The following PLXDC2 variants were observed in gnomAD, a reference collection of about 807,000 sequenced individuals.
PLXDC2 encodes plexin domain-containing protein 2.
A neutral mutation model predicts 68.9 loss-of-function variants in PLXDC2; 40 were observed. That is an observed-to-expected ratio of 0.58 (90% confidence interval 0.45 to 0.76). The LOEUF (loss-of-function observed/expected upper bound fraction) is 0.76, where lower values mean the gene tolerates loss of function less well. Ranked by LOEUF, PLXDC2 falls within the 30% of genes least tolerant of loss-of-function variation. PLXDC2 has a pLI of 0.00. For missense variants in PLXDC2, 644 were observed against 661.9 expected, an observed-to-expected ratio of 0.97 and a Z score of 0.30; for synonymous variants, 243 against 234.2, an observed-to-expected ratio of 1.04 and a Z score of -0.34.
intron 7 of PLXDC2, among the ~76,000 whole-genome samples, chr10:20,175,479 C>T (rs1834513875): frequency 6.6e-6 from 1 of 152,176 alleles, no homozygotes; most frequent in African/African-American, 2.4e-5. Context: ...CCCAGGGGCT[C>T]AAGATCAGCC....
chr10:20,201,953 T>C (rs1024928455), intron 9 of PLXDC2, among the ~76,000 whole-genome samples: 5 of 152,176 alleles, frequency 3.3e-5, no homozygotes, highest in Admixed American at 1.3e-4. Flanking sequence ...ATACACCTAC[T>C]TTAGTTTGTG....
intron 1 of PLXDC2, among the ~76,000 whole-genome samples, chr10:19,833,923 G>C (rs557764864): frequency 6.7e-6 from 1 of 150,040 alleles, no homozygotes; most frequent in East Asian, 2.0e-4. Flanking sequence ...AGAGTTCAGA[G>C]TTTCCTGGGC....
In PLXDC2 at chr10:19,985,767, C is replaced by T. The variant is rs563670179; in HGVS notation, c.113-16008C>T. Among the ~76,000 whole-genome samples, 10 of 152,310 alleles carry T rather than the reference C, an allele frequency of 6.6e-5. No individual in the cohort carries two copies. In the East Asian group the frequency reaches 1.2e-3, roughly 18 times the overall value. On this transcript the variant is annotated intron_variant, in intron 1 of 13. Transcript: ENST00000377252. ...CAATCTATTTTGAAGTCAATAATAG[C>T]GGAGGTGATCATGTTAAGTCATGTG...
At chr10:20,225,561 A>G (rs1460491154) in intron 12 of PLXDC2, among the ~76,000 whole-genome samples, 2 of 152,278 alleles carry the variant, frequency 1.3e-5, no homozygotes, top group African/African-American at 4.8e-5. Flanking sequence ...TATTCTAAGT[A>G]TATATGTATC....
At chr10:19,822,078 G>T (rs1431128444) in intron 1 of PLXDC2, among the ~76,000 whole-genome samples, 1 of 151,666 alleles carries the variant, frequency 6.6e-6, no homozygotes, top group Non-Finnish European at 1.5e-5. Flanking sequence ...ATTCATCCAT[G>T]CTATCACAAA....
At chr10:19,877,770 G>T (rs1004821869) in intron 1 of PLXDC2, among the ~76,000 whole-genome samples, 13 of 152,282 alleles carry the variant, frequency 8.5e-5, no homozygotes, top group African/African-American at 3.1e-4. Context: ...CACTATTCGG[G>T]GCCTTTTTAT....
chr10:19,930,147 A>T (rs11011685), intron 1 of PLXDC2, among the ~76,000 whole-genome samples: 72,669 of 151,920 alleles, frequency 0.48, 18,752 homozygotes, highest in South Asian at 0.73. Flanking sequence ...TCATTTACAC[A>T]GCAGGCATTA....
At chr10:20,042,319 T>C (rs1835696622) in intron 2 of PLXDC2, among the ~76,000 whole-genome samples, 1 of 152,200 alleles carries the variant, frequency 6.6e-6, no homozygotes, top group African/African-American at 2.4e-5. Context: ...GAGTATAATT[T>C]TCACAAGTAG....
intron 1 of PLXDC2, among the ~76,000 whole-genome samples, chr10:19,863,534 A>G (rs981604494): frequency 2.0e-5 from 3 of 152,204 alleles, no homozygotes; most frequent in Non-Finnish European, 2.9e-5. Context: ...CAGAAAGGCA[A>G]GTGTGACACG....
chr10:19,990,524 T>G (rs1164259060), intron 1 of PLXDC2, among the ~76,000 whole-genome samples: 5 of 152,148 alleles, frequency 3.3e-5, no homozygotes, highest in African/African-American at 1.2e-4. Flanking sequence ...GTGTTAGAGC[T>G]CAACTAATCT....
chr10:19,855,550 A>G (rs1181746001), intron 1 of PLXDC2, among the ~76,000 whole-genome samples: 1 of 152,014 alleles, frequency 6.6e-6, no homozygotes, highest in East Asian at 1.9e-4. Flanking sequence ...CTGGTTTCAT[A>G]TTTTTCAGAT....
intron 4 of PLXDC2, among the ~76,000 whole-genome samples, chr10:20,091,030 A>C (rs1833269230): frequency 2.0e-5 from 3 of 152,144 alleles, no homozygotes; most frequent in Admixed American, 1.3e-4. Context: ...GGATGAATGT[A>C]GCTTTGTGAA....
At chr10:19,937,679 C>T (rs1833749331) in intron 1 of PLXDC2, among the ~76,000 whole-genome samples, 5 of 151,370 alleles carry the variant, frequency 3.3e-5, no homozygotes, top group African/African-American at 1.2e-4. Flanking sequence ...GAATGTAACT[C>T]AGAAAAACAA....
At position 20,274,471 on chromosome 10, in the gene PLXDC2, G is replaced by C. The variant is rs557401835; in HGVS notation, c.1474-5232G>C. On this transcript the variant is annotated intron_variant, in intron 13 of 13. Coordinates refer to ENST00000377252, the MANE Select transcript of PLXDC2 (RefSeq NM_032812.9). ...ATCCTTGAAGATCATCCATAAGACA[G>C]TTCTAGAATGAAGGCAACATATCAA... Among the ~76,000 whole-genome samples the C allele has an allele frequency of 2.0e-5, 3 of 152,258 alleles. No homozygotes were observed. In the South Asian group the frequency reaches 6.2e-4, roughly 32 times the overall value.
chr10:20,183,695 T>C (rs553918644), intron 9 of PLXDC2, among the ~76,000 whole-genome samples: 21 of 152,096 alleles, frequency 1.4e-4, no homozygotes, highest in Middle Eastern at 3.4e-3. Flanking sequence ...AATGCAGATA[T>C]TTTACACCTA....
intron 1 of PLXDC2, among the ~76,000 whole-genome samples, chr10:19,839,930 T>C (rs1836872697): frequency 6.6e-6 from 1 of 152,178 alleles, no homozygotes; most frequent in South Asian, 2.1e-4. Context: ...AATCTAAAAT[T>C]TCATCGTTTG....
intron 2 of PLXDC2, among the ~76,000 whole-genome samples, chr10:20,015,478 T>C (rs1208932175): frequency 6.6e-6 from 1 of 152,110 alleles, no homozygotes; most frequent in Non-Finnish European, 1.5e-5. Context: ...AATGGTGGCT[T>C]GGATAGCCCT....
At chr10:19,963,086 T>A (rs1031769420) in intron 1 of PLXDC2, among the ~76,000 whole-genome samples, 15 of 151,992 alleles carry the variant, frequency 9.9e-5, no homozygotes, top group African/African-American at 3.6e-4. Context: ...ATGGAGAGAC[T>A]CCTTTGTCTG....
intron 13 of PLXDC2, among the ~76,000 whole-genome samples, chr10:20,250,019 G>A (rs1432089864): frequency 6.6e-6 from 1 of 152,202 alleles, no homozygotes; most frequent in Non-Finnish European, 1.5e-5. Context: ...TCTAATCCCA[G>A]CACTTTGGGA....
Sources: allele counts gnomAD v4.1 joint callset (sites outside exome capture counted in the v4.1 genomes callset), GRCh38; gene constraint gnomAD v4.1.1; transcripts MANE v1.5; gene names NCBI Gene and HGNC (gene_info 2026-07-23, HGNC 2026-07-21).